Variants in GALNT9 observed in about 807,000 individuals in gnomAD.
GALNT9 encodes the protein polypeptide N-acetylgalactosaminyltransferase 9.
GALNT9 carries 47 observed loss-of-function variants against 63.1 expected under a neutral mutation model. That is an observed-to-expected ratio of 0.75 (90% CI 0.59 to 0.95). The LOEUF (loss-of-function observed/expected upper bound fraction) is 0.95, where lower values mean the gene tolerates loss of function less well. Among genes scored for constraint, GALNT9 ranks in the 40% least tolerant of loss-of-function variants. The pLI, the probability that GALNT9 is intolerant of heterozygous loss-of-function variation, is 0.00. For missense variants in GALNT9, 829 were observed against 874.8 expected (o/e 0.95, Z 0.66); for synonymous variants, 396 against 365.7 (o/e 1.08, Z -0.94).
At chr12:132,304,376 GGC>G (rs1555244291) in intron 1 of GALNT9, among the ~76,000 whole-genome samples, 2 of 118,880 alleles carry the variant, frequency 1.7e-5, no homozygotes, top group African/African-American at 7.2e-5. Flanking sequence ...GCCTCACCCG[GGC>G]ACACCCTCAC....
chr12:132,260,711 G>C (rs781984181), intron 4 of GALNT9, among the ~76,000 whole-genome samples: 2 of 152,244 alleles, frequency 1.3e-5, no homozygotes, highest in Non-Finnish European at 2.9e-5. Context: ...CCTTGGGTGC[G>C]TGCTGGGCCT....
chr12:132,329,292 G>A lies in GALNT9; in HGVS notation c.-89C>T. ...CTTCAGCTTCGGCTTCGGGGACCAT[G>A]AGCCGCCCGGGGCTGCGGGGGCTGC... On this transcript the variant is annotated 5_prime_UTR_variant, in exon 1 of 11. Coordinates refer to ENST00000328957, the MANE Select transcript of GALNT9 (RefSeq NM_001122636.2). 1 of 1,469,172 alleles carries A rather than the reference G, an allele frequency of 6.8e-7. No homozygotes were observed. Among genetic ancestry groups the A allele is most frequent in the Admixed American group, 2.2e-5 (1 of 45,974 alleles). The allele number at this position is 1,469,172 out of a possible 1,614,324, so 91.0% of individuals were successfully genotyped here.
At chr12:132,309,507 C>T (rs1235183934) in intron 1 of GALNT9, among the ~76,000 whole-genome samples, 1 of 152,232 alleles carries the variant, frequency 6.6e-6, no homozygotes, top group Non-Finnish European at 1.5e-5. Context: ...TCATCCTGGA[C>T]TCGGGGCAGC....
chr12:132,247,817 G>A (rs541137965), intron 6 of GALNT9, 93 bp downstream of exon 6: 41 of 1,504,176 alleles, frequency 2.7e-5, no homozygotes, highest in African/African-American at 2.5e-4. Context: ...CCCCGTCCCC[G>A]GACACCGCGG....
chr12:132,197,395 A>C (rs1875591240), intron 10 of GALNT9, 142 bp from the exon 11 acceptor site: 3 of 1,256,882 alleles, frequency 2.4e-6, no homozygotes, highest in East Asian at 5.0e-5. Flanking sequence ...TCACAGCAGC[A>C]CCCAGGGGGG....
At chr12:132,267,864 ACG>A (rs1373116429) in intron 2 of GALNT9, among the ~76,000 whole-genome samples, 36 of 134,650 alleles carry the variant, frequency 2.7e-4, no homozygotes, top group African/African-American at 1.0e-3. Context: ...GCACACACAC[ACG>A]CATACAACCC....
In GALNT9 at chr12:132,236,454, A is replaced by G. The variant is rs1304060062; in HGVS notation, c.1077+11456T>C. On this transcript the variant is annotated intron_variant, in intron 6 of 10. Transcript: ENST00000328957. This position sits in a 1 kb window ranked among gnomAD's most constrained non-coding sequence, Gnocchi z 5.6. ...TCCCTGAGGCCCCATAGCACCTGTC[A>G]TCACGGCTGCCAGGGAGTCAGCTCT... Among the ~76,000 whole-genome samples the G allele has an allele frequency of 2.6e-5, 4 of 152,024 alleles. No homozygotes were observed. Among genetic ancestry groups the G allele is most frequent in the Non-Finnish European group, 5.9e-5 (4 of 67,980 alleles).
At chr12:132,239,612 T>C (rs1286217404) in intron 6 of GALNT9, among the ~76,000 whole-genome samples, 2 of 80,924 alleles carry the variant, frequency 2.5e-5, no homozygotes, top group Non-Finnish European at 5.5e-5. Flanking sequence ...ACACACACAC[T>C]GAGAGACTGA....
intron 2 of GALNT9, among the ~76,000 whole-genome samples, chr12:132,267,022 C>T (rs1879625799): frequency 2.0e-5 from 3 of 152,154 alleles, no homozygotes; most frequent in Admixed American, 1.3e-4. Flanking sequence ...AGGGGCAGCC[C>T]GAGGTGTGAT....
At chr12:132,228,995 G>A (rs1018573264) in intron 6 of GALNT9, among the ~76,000 whole-genome samples, 1 of 152,196 alleles carries the variant, frequency 6.6e-6, no homozygotes, top group Non-Finnish European at 1.5e-5. Context: ...CGGTGTGGAC[G>A]GGTTAGACAC....
rs1555245948 is a variant in GALNT9 at position 132,319,390 on chromosome 12, A to T, written c.238+9576T>A. Among the ~76,000 whole-genome samples, 2 of 152,062 alleles carry T rather than the reference A, an allele frequency of 1.3e-5. No homozygotes were observed. On this transcript the variant is annotated intron_variant, in intron 1 of 10. Coordinates refer to ENST00000328957, the MANE Select transcript of GALNT9 (RefSeq NM_001122636.2). This position sits in a 1 kb window ranked among gnomAD's most constrained non-coding sequence, Gnocchi z 5.2. ...GCTCCTGCCTGTGGACATCGGGTGG[A>T]GCTGCCAGGTCTCGGGCCTTTGGAG...
chr12:132,295,048 T>C (rs1881002154), intron 1 of GALNT9, among the ~76,000 whole-genome samples: 1 of 152,146 alleles, frequency 6.6e-6, no homozygotes, highest in African/African-American at 2.4e-5. Flanking sequence ...CAAGACCAAA[T>C]CCCTCTAAAC....
At chr12:132,220,274 A>C (rs1377420486) in intron 6 of GALNT9, among the ~76,000 whole-genome samples, 1 of 152,200 alleles carries the variant, frequency 6.6e-6, no homozygotes, top group African/African-American at 2.4e-5. Context: ...AAGACAAAGC[A>C]CCTGAGGAAA....
intron 4 of GALNT9, among the ~76,000 whole-genome samples, chr12:132,260,635 C>T (rs1418169558): frequency 6.6e-6 from 1 of 152,352 alleles, no homozygotes; most frequent in East Asian, 1.9e-4. Flanking sequence ...GGGTCACATT[C>T]TCCTGGGGCA....
chr12:132,295,928 TCCGAACAGGGACGGC>T (rs1566016648), intron 1 of GALNT9, among the ~76,000 whole-genome samples: 1 of 138,344 alleles, frequency 7.2e-6, no homozygotes, highest in African/African-American at 2.8e-5. Flanking sequence ...AGGGACGGCC[TCCGAACAGGGACGGC>T]CTCCGAACAG....
Position 132,261,132 on chromosome 12 carries a change from G to A in GALNT9, c.587-10C>T, listed in dbSNP as rs1879367860. 3 of 1,550,026 alleles carry A rather than the reference G, an allele frequency of 1.9e-6. No individual in the cohort carries two copies. Among genetic ancestry groups the A allele is most frequent in the African/African-American group, 1.4e-5 (1 of 73,070 alleles). On this transcript the variant is annotated splice_polypyrimidine_tract_variant and intron_variant, in intron 3 of 10. Transcript: ENST00000328957. ...TTGAACTTGAGTTCCACTGAGGAGA[G>A]ACAAGACTTTAGCACGCTGGCAGGT...
rs1420237371 is a variant in GALNT9 at position 132,316,485 on chromosome 12, T to C, written c.238+12481A>G. Among the ~76,000 whole-genome samples, 4 of 152,098 alleles carry C rather than the reference T, an allele frequency of 2.6e-5. No individual in the cohort carries two copies. Among genetic ancestry groups the C allele is most frequent in the Non-Finnish European group, 5.9e-5 (4 of 68,004 alleles). ...CTCAACCTCAGATGACCTTGCTTCC[T>C]TCCTCCCTGGGAAACGGAGAATCAG... On this transcript the variant is annotated intron_variant, in intron 1 of 10. Coordinates refer to ENST00000328957, the MANE Select transcript of GALNT9 (RefSeq NM_001122636.2). The surrounding 1 kb of genome is among the most constrained non-coding windows in gnomAD (Gnocchi z 4.3).
intron 7 of GALNT9, among the ~76,000 whole-genome samples, chr12:132,202,631 G>A (rs1244324252): frequency 6.6e-6 from 1 of 151,540 alleles, no homozygotes; most frequent in African/African-American, 2.5e-5. Context: ...TGTGTGCGCT[G>A]GGTCATGACT....
intron 6 of GALNT9, among the ~76,000 whole-genome samples, chr12:132,222,567 G>A (rs1877490718): frequency 6.6e-6 from 1 of 151,998 alleles, no homozygotes; most frequent in African/African-American, 2.4e-5. Flanking sequence ...AGCACACAAG[G>A]GGCACCGCGA....
Sources: gnomAD v4.1 joint callset for allele counts (sites outside exome capture counted in the v4.1 genomes callset) on GRCh38, gnomAD v4.1.1 for gene constraint, Gnocchi (gnomAD v3.1) non-coding constraint, MANE v1.5 for transcripts, NCBI Gene and HGNC (gene_info 2026-07-23, HGNC 2026-07-21) for gene names.